The following NXN variants were observed in gnomAD, a reference collection of about 807,000 sequenced individuals.
NXN encodes nucleoredoxin 1.
A neutral mutation model predicts 48.6 loss-of-function variants in NXN; 16 were observed. The ratio of observed to expected loss-of-function variants is 0.33; its 90% confidence interval spans 0.22 to 0.50. The LOEUF is 0.50. NXN is among the 20% of genes least tolerant of loss of function. NXN has a pLI of 0.98. For missense variants in NXN, 492 were observed against 605.5 expected, an observed-to-expected ratio of 0.81 and a Z score of 1.97; for synonymous variants, 281 against 269.6, an observed-to-expected ratio of 1.04 and a Z score of -0.41.
At chr17:922,899 C>T (rs1018275271) in intron 1 of NXN, among the ~76,000 whole-genome samples, 2 of 151,952 alleles carry the variant, frequency 1.3e-5, no homozygotes, top group African/African-American at 4.8e-5. Flanking sequence ...GATCCACCTG[C>T]CTTCGGCCTC....
At chr17:905,352 A>G (rs1374331480) in intron 1 of NXN, 3 of 151,616 alleles carry the variant, frequency 2.0e-5, no homozygotes, top group African/African-American at 7.3e-5. Context: ...AGGAGCTAAG[A>G]GGCTGCAGTG....
intron 5 of NXN, among the ~76,000 whole-genome samples, chr17:809,556 C>G (rs549893192): frequency 3.9e-5 from 6 of 152,082 alleles, no homozygotes; most frequent in Admixed American, 6.6e-5. Context: ...TGTGACCCAG[C>G]CTTCTCTGCA....
Position 956,247 on chromosome 17 carries a change from C to T in NXN, c.360+23072G>A, listed in dbSNP as rs1013456090. On this transcript the variant is annotated intron_variant, in intron 1 of 7. Transcript: ENST00000336868. The surrounding 1 kb of genome is among the most constrained non-coding windows in gnomAD (Gnocchi z 4.1). ...TTCTTTCTTTCAATAAACACGGTGC[C>T]AAGTATTTACTAATAAGAGGTGTCG... Among the ~76,000 whole-genome samples the T allele has an allele frequency of 2.0e-5, 3 of 152,060 alleles. No individual in the cohort carries two copies. Among genetic ancestry groups the T allele is most frequent in the Non-Finnish European group, 4.4e-5 (3 of 68,032 alleles).
chr17:963,823 A>T (rs2069268524), intron 1 of NXN, among the ~76,000 whole-genome samples: 1 of 152,198 alleles, frequency 6.6e-6, no homozygotes, highest in African/African-American at 2.4e-5. Context: ...CACGCCTGTC[A>T]TCCCAGCACT....
In NXN at chr17:825,683, T is replaced by A; in HGVS notation, c.478+278A>T. 1 of 343,614 alleles carries A rather than the reference T, an allele frequency of 2.9e-6. No homozygotes were observed. Among genetic ancestry groups the A allele is most frequent in the Non-Finnish European group, 5.3e-6 (1 of 189,804 alleles). The allele number at this position is 343,614 out of a possible 1,614,324, so 21.3% of individuals were successfully genotyped here. On this transcript the variant is annotated intron_variant, in intron 2 of 7. Coordinates refer to ENST00000336868, the MANE Select transcript of NXN (RefSeq NM_022463.5). The surrounding 1 kb of genome is among the most constrained non-coding windows in gnomAD (Gnocchi z 4.1). ...CTGAGCTCTCCGCTTTCCCACAGCC[T>A]CTGCGGCCCTCCAAGCGGAGCTTCT...
At chr17:912,666 T>G (rs920988639) in intron 1 of NXN, among the ~76,000 whole-genome samples, 1 of 152,024 alleles carries the variant, frequency 6.6e-6, no homozygotes, top group Non-Finnish European at 1.5e-5. Context: ...AACAGGCCAG[T>G]GGGCAGTGGC....
At chr17:867,724 G>A (rs1373874332) in intron 1 of NXN, among the ~76,000 whole-genome samples, 5 of 152,008 alleles carry the variant, frequency 3.3e-5, no homozygotes, top group African/African-American at 7.3e-5. Context: ...TCAGGAGTTC[G>A]AGACCAGCCT....
At position 849,925 on chromosome 17, in the gene NXN, A is replaced by C. The variant is rs978350691; in HGVS notation, c.361-23847T>G. On this transcript the variant is annotated intron_variant, in intron 1 of 7. Coordinates refer to ENST00000336868, the MANE Select transcript of NXN (RefSeq NM_022463.5). This position sits in a 1 kb window ranked among gnomAD's most constrained non-coding sequence, Gnocchi z 4.2. ...CTGCAGAGCCCCCAAGGAGCCCGAG[A>C]GCGACCTGCTCCTGAAACCCCAGGC... Among the ~76,000 whole-genome samples the C allele has an allele frequency of 1.7e-4, 26 of 152,084 alleles. No homozygotes were observed. The highest frequency in any genetic ancestry group is 2.5e-4 in the Non-Finnish European group (17 of 68,022).
chr17:804,937 G>T, intron 6 of NXN, 131 bp downstream of exon 6: 1 of 972,952 alleles, frequency 1.0e-6, no homozygotes. Context: ...AAGGCTTCAG[G>T]GAGAGACAAA....
chr17:868,036 C>G (rs2068110956), intron 1 of NXN, among the ~76,000 whole-genome samples: 1 of 152,138 alleles, frequency 6.6e-6, no homozygotes, highest in Non-Finnish European at 1.5e-5. Flanking sequence ...TCCGGGGACA[C>G]AGCAGGGACA....
intron 1 of NXN, among the ~76,000 whole-genome samples, chr17:899,823 G>C (rs995690300): frequency 6.6e-6 from 1 of 152,060 alleles, no homozygotes; most frequent in African/African-American, 2.4e-5. Flanking sequence ...CCAGGAGTTC[G>C]AGGCTGCAGT....
At chr17:946,880 G>A (rs566357042) in intron 1 of NXN, among the ~76,000 whole-genome samples, 4 of 152,334 alleles carry the variant, frequency 2.6e-5, no homozygotes, top group Admixed American at 6.5e-5. Flanking sequence ...TCCCTGGCAC[G>A]GGGAGGTTGC....
chr17:959,318 CAGG>C (rs1412974471), intron 1 of NXN: 22 of 279,178 alleles, frequency 7.9e-5, no homozygotes, highest in Non-Finnish European at 6.7e-6. Flanking sequence ...AGGCCCCTCC[CAGG>C]CCCGCGACAC....
At chr17:927,209 A>C (rs2144965650) in intron 1 of NXN, among the ~76,000 whole-genome samples, 1 of 152,084 alleles carries the variant, frequency 6.6e-6, no homozygotes, top group South Asian at 2.1e-4. Context: ...GCTACTTGGG[A>C]AGCGGAGGTT....
intron 1 of NXN, among the ~76,000 whole-genome samples, chr17:889,401 A>G (rs1263923979): frequency 6.6e-6 from 1 of 152,218 alleles, no homozygotes; most frequent in Non-Finnish European, 1.5e-5. Context: ...ATGAATGAGA[A>G]ATGCAGAGAG....
At chr17:873,714 G>T (rs2068184634) in intron 1 of NXN, among the ~76,000 whole-genome samples, 2 of 152,050 alleles carry the variant, frequency 1.3e-5, no homozygotes, top group African/African-American at 4.8e-5. Flanking sequence ...TGGGTTGGTA[G>T]GAAACGGCCT....
At chr17:974,244 A>G (rs1330851081) in intron 1 of NXN, among the ~76,000 whole-genome samples, 12 of 151,632 alleles carry the variant, frequency 7.9e-5, no homozygotes, top group Non-Finnish European at 1.2e-4. Flanking sequence ...CCAGCTACTC[A>G]GGAGGCTGAG....
chr17:960,731 G>C (rs2069226309), intron 1 of NXN, among the ~76,000 whole-genome samples: 1 of 151,712 alleles, frequency 6.6e-6, no homozygotes, highest in Non-Finnish European at 1.5e-5. Flanking sequence ...TCTCACCTTG[G>C]CCTCCCAAAG....
intron 1 of NXN, chr17:959,233 C>T (rs1328397687): frequency 3.2e-6 from 3 of 938,154 alleles, no homozygotes; most frequent in South Asian, 2.6e-5. Flanking sequence ...CTGCAGATAC[C>T]CCAGCTCCCA....
Sources: gnomAD v4.1 joint callset for allele counts (sites outside exome capture counted in the v4.1 genomes callset) on GRCh38, gnomAD v4.1.1 for gene constraint, Gnocchi (gnomAD v3.1) non-coding constraint, MANE v1.5 for transcripts, NCBI Gene and HGNC (gene_info 2026-07-23, HGNC 2026-07-21) for gene names.